LCLAT1: variants seen among roughly 807,000 people sequenced by gnomAD.
The protein encoded by LCLAT1 is 1-AGP acyltransferase 8.
In LCLAT1, 11 loss-of-function variants were observed where a neutral mutation model predicts 30.7. The ratio of observed to expected loss-of-function variants is 0.36; its 90% confidence interval spans 0.23 to 0.59. LCLAT1 has a LOEUF of 0.59. Among genes scored for constraint, LCLAT1 ranks in the 20% least tolerant of loss-of-function variants. LCLAT1 has a pLI of 0.77. For synonymous variants in LCLAT1, 155 were observed against 151.3 expected, an observed-to-expected ratio of 1.02 and a Z score of -0.18; for missense variants, 402 against 458.6, an observed-to-expected ratio of 0.88 and a Z score of 1.13.
intron 5 of LCLAT1, among the ~76,000 whole-genome samples, chr2:30,599,567 C>T (rs1418106541): frequency 6.6e-6 from 1 of 152,158 alleles, no homozygotes; most frequent in Non-Finnish European, 1.5e-5. Context: ...TAAAGTCTCC[C>T]ACTATTACTG....
intron 5 of LCLAT1, among the ~76,000 whole-genome samples, chr2:30,613,040 G>T (rs1222677212): frequency 6.6e-6 from 1 of 152,296 alleles, no homozygotes; most frequent in South Asian, 2.1e-4. Flanking sequence ...AGAGGAATTT[G>T]GGGGAAGAGG....
chr2:30,635,261 A>AT (rs1668969667), intron 5 of LCLAT1, among the ~76,000 whole-genome samples: 1 of 144,908 alleles, frequency 6.9e-6, no homozygotes, highest in South Asian at 2.2e-4. Context: ...TATATATATA[A>AT]AATAAAAGTA....
intron 2 of LCLAT1, among the ~76,000 whole-genome samples, chr2:30,527,170 A>G (rs1401438436): frequency 1.3e-5 from 2 of 152,200 alleles, no homozygotes; most frequent in African/African-American, 2.4e-5. Flanking sequence ...CTGTCATCAT[A>G]AAATCAGAGA....
Position 30,643,903 on chromosome 2 carries a change from C to T in LCLAT1, c.*3284C>T, listed in dbSNP as rs1013294064. On this transcript the variant is annotated 3_prime_UTR_variant, in exon 6 of 6. Coordinates refer to ENST00000379509, the MANE Select transcript of LCLAT1 (RefSeq NM_001002257.3). ...CTGTAGCAGGTAAACACTACTCTAA[C>T]GTGGAGAAATGAGCTTCATGCTGAG... The T allele has an allele frequency of 1.3e-5, 2 of 152,556 alleles. No homozygotes were observed. The highest frequency in any genetic ancestry group is 2.4e-5 in the African/African-American group (1 of 41,434). 9.5% of individuals were successfully genotyped at this position (152,556 alleles called of 1,614,324 possible).
chr2:30,600,777 C>A (rs908731231), intron 5 of LCLAT1, among the ~76,000 whole-genome samples: 4 of 152,050 alleles, frequency 2.6e-5, no homozygotes, highest in African/African-American at 9.7e-5. Flanking sequence ...ATGTACTTCT[C>A]ATGGAGTATC....
intron 3 of LCLAT1, among the ~76,000 whole-genome samples, chr2:30,554,933 A>T (rs7584361): frequency 0.018 from 2,751 of 152,088 alleles, 80 homozygotes; most frequent in African/African-American, 0.062. Context: ...AAGAGAAAAA[A>T]ATATATATTT....
intron 1 of LCLAT1, among the ~76,000 whole-genome samples, chr2:30,495,870 C>T (rs1214232734): frequency 2.6e-5 from 4 of 152,076 alleles, no homozygotes; most frequent in Admixed American, 2.6e-4. Context: ...ATGTATTATT[C>T]TTGACTTCTT....
chr2:30,518,365 G>A lies in LCLAT1; in HGVS notation c.-4-7222G>A, dbSNP rs147366634. On this transcript the variant is annotated intron_variant, in intron 1 of 5. Coordinates refer to ENST00000379509, the MANE Select transcript of LCLAT1 (RefSeq NM_001002257.3). Reference sequence around the variant, plus strand: ...CACAATGGGTATTCAGTAATTGATAGGAAAACTCTTGTAGAAGCAGAGTTA... The same window carrying A: ...CACAATGGGTATTCAGTAATTGATAAGAAAACTCTTGTAGAAGCAGAGTTA... Among the ~76,000 whole-genome samples, 294 of 152,290 alleles carry A rather than the reference G, an allele frequency of 1.9e-3. 2 individuals carry two copies. The East Asian group carries it at 0.029, about 15-fold the overall frequency.
chr2:30,639,473 ATTTATT>A (rs141983978), intron 5 of LCLAT1, among the ~76,000 whole-genome samples: 19,294 of 152,076 alleles, frequency 0.13, 1,341 homozygotes, highest in South Asian at 0.23. Flanking sequence ...TTATTTATCT[ATTTATT>A]TTTAAAGATG....
At chr2:30,465,998 A>G (rs1400834983) in intron 1 of LCLAT1, among the ~76,000 whole-genome samples, 1 of 151,894 alleles carries the variant, frequency 6.6e-6, no homozygotes, top group African/African-American at 2.4e-5. Context: ...CTGACATATA[A>G]TTTCTTATAT....
At chr2:30,509,227 A>G (rs1279158749) in intron 1 of LCLAT1, among the ~76,000 whole-genome samples, 1 of 152,158 alleles carries the variant, frequency 6.6e-6, no homozygotes, top group Non-Finnish European at 1.5e-5. Context: ...GGATAGTTTG[A>G]CTTCCTCTCT....
chr2:30,528,414 G>A (rs1327873890), intron 2 of LCLAT1, among the ~76,000 whole-genome samples: 1 of 152,186 alleles, frequency 6.6e-6, no homozygotes, highest in Non-Finnish European at 1.5e-5. Flanking sequence ...CATGCACTAA[G>A]GTAAGGGAAG....
chr2:30,575,044 C>A (rs1393642840), intron 5 of LCLAT1, among the ~76,000 whole-genome samples: 1 of 152,132 alleles, frequency 6.6e-6, no homozygotes, highest in Non-Finnish European at 1.5e-5. Flanking sequence ...ACTTCATGCC[C>A]TCTCTTCACT....
intron 2 of LCLAT1, among the ~76,000 whole-genome samples, chr2:30,526,493 G>C (rs749888824): frequency 2.0e-5 from 3 of 152,006 alleles, no homozygotes; most frequent in Admixed American, 6.6e-5. Flanking sequence ...ACTTTCTTGA[G>C]ATTTCTCATC....
intron 5 of LCLAT1, among the ~76,000 whole-genome samples, chr2:30,639,133 G>T (rs541005500): frequency 4.3e-4 from 66 of 152,230 alleles, no homozygotes; most frequent in African/African-American, 1.6e-3. Context: ...GAATAACATG[G>T]GGTCTTGGAC....
At chr2:30,587,798 A>G (rs890091038) in intron 5 of LCLAT1, among the ~76,000 whole-genome samples, 1 of 152,140 alleles carries the variant, frequency 6.6e-6, no homozygotes, top group Non-Finnish European at 1.5e-5. Flanking sequence ...TCTTAGACAA[A>G]TAGTTGAACT....
At chr2:30,570,159 T>C (rs1204702293) in intron 5 of LCLAT1, among the ~76,000 whole-genome samples, 1 of 152,178 alleles carries the variant, frequency 6.6e-6, no homozygotes, top group Non-Finnish European at 1.5e-5. Context: ...ATAACTTTGG[T>C]TAATGTATAT....
chr2:30,461,926 A>G (rs1682161727), intron 1 of LCLAT1, among the ~76,000 whole-genome samples: 1 of 150,186 alleles, frequency 6.7e-6, no homozygotes, highest in Non-Finnish European at 1.5e-5. Flanking sequence ...GCCCGCCACC[A>G]CGCCCGGCTA....
intron 5 of LCLAT1, among the ~76,000 whole-genome samples, chr2:30,585,053 G>T (rs990719325): frequency 6.6e-6 from 1 of 151,740 alleles, no homozygotes; most frequent in African/African-American, 2.4e-5. Context: ...GTCTCTATGG[G>T]GTAAATGAGA....
Sources: gnomAD v4.1 joint callset for allele counts (sites outside exome capture counted in the v4.1 genomes callset) on GRCh38, gnomAD v4.1.1 for gene constraint, MANE v1.5 for transcripts, NCBI Gene and HGNC (gene_info 2026-07-23, HGNC 2026-07-21) for gene names.